The following NPAS3 variants were observed in gnomAD, a reference collection of about 807,000 sequenced individuals.
The protein encoded by NPAS3 is neuronal PAS domain protein 3.
A neutral mutation model predicts 73.1 loss-of-function variants in NPAS3; 14 were observed. That is an observed-to-expected ratio of 0.19 (90% CI 0.13 to 0.30). The LOEUF (loss-of-function observed/expected upper bound fraction) is 0.30, where lower values mean the gene tolerates loss of function less well. NPAS3 is among the 10% of genes least tolerant of loss of function. NPAS3 has a pLI of 1.00. For missense variants in NPAS3, 1,096 were observed against 1,250.0 expected, an observed-to-expected ratio of 0.88 and a Z score of 1.86; for synonymous variants, 620 against 541.5, an observed-to-expected ratio of 1.14 and a Z score of -2.01.
chr14:33,260,063 C>G (rs989245556), intron 3 of NPAS3, among the ~76,000 whole-genome samples: 2 of 152,126 alleles, frequency 1.3e-5, no homozygotes, highest in Admixed American at 6.5e-5. Flanking sequence ...TTTGTTGGCC[C>G]TGGCAACTTC....
At chr14:33,126,513 G>C (rs2043431464) in intron 2 of NPAS3, among the ~76,000 whole-genome samples, 1 of 152,106 alleles carries the variant, frequency 6.6e-6, no homozygotes, top group Admixed American at 6.6e-5. Flanking sequence ...TTGTGGAGGT[G>C]CCTAATCCAG....
At chr14:33,051,167 G>A (rs1385778485) in intron 1 of NPAS3, among the ~76,000 whole-genome samples, 1 of 150,960 alleles carries the variant, frequency 6.6e-6, no homozygotes, top group African/African-American at 2.5e-5. Flanking sequence ...CCAGCTACTC[G>A]GGAGGCTGAG....
At chr14:33,445,693 C>T (rs2049454986) in intron 4 of NPAS3, among the ~76,000 whole-genome samples, 1 of 152,226 alleles carries the variant, frequency 6.6e-6, no homozygotes, top group South Asian at 2.1e-4. Context: ...CAATTTGGAA[C>T]ATTTTCTATA....
At chr14:33,440,727 T>C (rs2049208501) in intron 4 of NPAS3, among the ~76,000 whole-genome samples, 1 of 152,064 alleles carries the variant, frequency 6.6e-6, no homozygotes. Context: ...ACTCTGTTTT[T>C]ACTAAAAATA....
Position 32,997,370 on chromosome 14 carries a change from C to T in NPAS3, c.50+58004C>T, listed in dbSNP as rs144518749. ...AGACTTTGGGGGACTATTGGGAAGG[C>T]ATGATTGGTTTTGAAATGTGAAGAT... On this transcript the variant is annotated intron_variant, in intron 1 of 11. Coordinates refer to ENST00000356141, the Ensembl canonical transcript of NPAS3. Among the ~76,000 whole-genome samples the T allele has an allele frequency of 5.1e-3, 774 of 152,178 alleles. 10 individuals are homozygous for T. Among genetic ancestry groups the T allele is most frequent in the African/African-American group, 0.018 (737 of 41,522 alleles).
At chr14:33,447,323 T>C (rs78944026) in intron 4 of NPAS3, among the ~76,000 whole-genome samples, 2,885 of 152,298 alleles carry the variant, frequency 0.019, 44 homozygotes, top group Middle Eastern at 0.058. Flanking sequence ...TTGTACAACC[T>C]GGCTATAGTT....
intron 1 of NPAS3, among the ~76,000 whole-genome samples, chr14:33,044,957 C>A (rs1298420249): frequency 1.3e-5 from 2 of 152,060 alleles, no homozygotes; most frequent in Admixed American, 6.6e-5. Flanking sequence ...TTTCCAGAGC[C>A]CTTCTCTTCT....
chr14:33,408,702 C>G (rs1399789971), intron 4 of NPAS3, among the ~76,000 whole-genome samples: 2 of 152,082 alleles, frequency 1.3e-5, no homozygotes, highest in South Asian at 4.1e-4. Context: ...CTGTCCCATA[C>G]GAACTGCTGT....
At chr14:33,592,515 T>C (rs185395958) in intron 5 of NPAS3, among the ~76,000 whole-genome samples, 165 of 152,198 alleles carry the variant, frequency 1.1e-3, no homozygotes, top group African/African-American at 3.8e-3. Flanking sequence ...AGAGGTGGGA[T>C]TTGACCAGAC....
chr14:33,196,324 T>G (rs894377833), intron 2 of NPAS3, among the ~76,000 whole-genome samples: 2 of 152,214 alleles, frequency 1.3e-5, no homozygotes, highest in African/African-American at 4.8e-5. Context: ...GACCTCCCAC[T>G]GATAGCATGA....
intron 3 of NPAS3, among the ~76,000 whole-genome samples, chr14:33,302,711 C>T (rs1292723794): frequency 6.6e-6 from 1 of 152,202 alleles, no homozygotes; most frequent in Admixed American, 6.5e-5. Context: ...ATAACTCCTA[C>T]TAGTGGTAGT....
chr14:33,778,951 G>T, intron 9 of NPAS3, among the ~76,000 whole-genome samples: 1 of 152,166 alleles, frequency 6.6e-6, no homozygotes, highest in Non-Finnish European at 1.5e-5. Context: ...GAGAAGACAA[G>T]TTCAAATAAG....
At chr14:33,657,480 T>G (rs910039804) in intron 5 of NPAS3, among the ~76,000 whole-genome samples, 1 of 152,218 alleles carries the variant, frequency 6.6e-6, no homozygotes, top group Non-Finnish European at 1.5e-5. Context: ...AAAGTGTAGT[T>G]TCTTAAGTTC....
At chr14:33,680,898 CT>C (rs2059917343) in intron 6 of NPAS3, 2 of 488,998 alleles carry the variant, frequency 4.1e-6, no homozygotes, top group Non-Finnish European at 3.6e-6. Context: ...AAAATCTAGC[CT>C]GTTTTGTGGC....
At chr14:33,589,319 T>C (rs1256726024) in intron 5 of NPAS3, among the ~76,000 whole-genome samples, 1 of 152,240 alleles carries the variant, frequency 6.6e-6, no homozygotes, top group Non-Finnish European at 1.5e-5. Context: ...TGTAGTTGAA[T>C]GCTGCTTATG....
chr14:32,946,333 AAC>A (rs750380212), intron 1 of NPAS3, among the ~76,000 whole-genome samples: 42 of 105,402 alleles, frequency 4.0e-4, no homozygotes, highest in African/African-American at 1.3e-3. Flanking sequence ...CCATCCCCCC[AAC>A]ACACACACAC....
intron 5 of NPAS3, among the ~76,000 whole-genome samples, chr14:33,564,378 C>T (rs987563105): frequency 1.3e-5 from 2 of 152,168 alleles, no homozygotes; most frequent in Non-Finnish European, 2.9e-5. Flanking sequence ...TAGATTATGA[C>T]ATTGATTTGC....
intron 6 of NPAS3, among the ~76,000 whole-genome samples, chr14:33,681,639 A>ATTATG (rs535370839): frequency 1.2e-3 from 178 of 152,312 alleles, no homozygotes; most frequent in South Asian, 8.7e-3. Context: ...ACTTTCTGGA[A>ATTATG]TTATGTTATC....
intron 4 of NPAS3, among the ~76,000 whole-genome samples, chr14:33,372,097 AGTAACTAATT>A (rs370212276): frequency 1.3e-5 from 2 of 152,336 alleles, no homozygotes; most frequent in African/African-American, 4.8e-5. Context: ...AACAGGCTTC[AGTAACTAATT>A]GAATTTGGAA....
Sources: allele counts gnomAD v4.1 joint callset (sites outside exome capture counted in the v4.1 genomes callset), GRCh38; gene constraint gnomAD v4.1.1; transcripts MANE v1.5; gene names NCBI Gene and HGNC (gene_info 2026-07-23, HGNC 2026-07-21).